The following PITPNM3 variants were observed in gnomAD, a reference collection of about 807,000 sequenced individuals.
The protein encoded by PITPNM3 is membrane-associated phosphatidylinositol transfer protein 3.
Under a neutral mutation model 102.0 loss-of-function variants are expected in PITPNM3, and 26 were observed. That is an observed-to-expected ratio of 0.25 (90% CI 0.19 to 0.35). The LOEUF (loss-of-function observed/expected upper bound fraction) is 0.35. Ranked by LOEUF, PITPNM3 falls within the 10% of genes least tolerant of loss-of-function variation. The pLI, the probability that PITPNM3 is intolerant of heterozygous loss-of-function variation, is 1.00. For missense variants in PITPNM3, 1,083 were observed against 1,346.1 expected, an observed-to-expected ratio of 0.80 and a Z score of 3.06; for synonymous variants, 578 against 558.6, an observed-to-expected ratio of 1.03 and a Z score of -0.49.
In PITPNM3 at chr17:6,544,985, G is replaced by T. The variant is rs73975610; in HGVS notation, c.23-6903C>A. On this transcript the variant is annotated intron_variant, in intron 1 of 19. Coordinates refer to ENST00000262483, the MANE Select transcript of PITPNM3 (RefSeq NM_031220.4). ...GTGCAGTGCTTCCTACAGCCTGGCC[G>T]AGGCTCCTGCGGACAGGCAGGTGAC... Among the ~76,000 whole-genome samples, 25 of 152,198 alleles carry T rather than the reference G, an allele frequency of 1.6e-4. No individual in the cohort carries two copies. In the South Asian group the frequency reaches 5.2e-3, roughly 32 times the overall value.
chr17:6,493,357 G>A (rs1906610039), intron 4 of PITPNM3, among the ~76,000 whole-genome samples: 1 of 152,234 alleles, frequency 6.6e-6, no homozygotes, highest in Admixed American at 6.5e-5. Context: ...CTGGAGAAGA[G>A]CAGCAGCTGC....
intron 2 of PITPNM3, among the ~76,000 whole-genome samples, chr17:6,528,561 G>A (rs1381540417): frequency 6.6e-6 from 1 of 151,846 alleles, no homozygotes; most frequent in Non-Finnish European, 1.5e-5. Flanking sequence ...ATGCATGTGT[G>A]AGTATGTGCA....
chr17:6,540,864 G>A (rs1909694860), intron 1 of PITPNM3, among the ~76,000 whole-genome samples: 1 of 152,150 alleles, frequency 6.6e-6, no homozygotes, highest in African/African-American at 2.4e-5. Flanking sequence ...TCACCATGTT[G>A]GCTAGGCTAG....
chr17:6,478,293 G>A lies in PITPNM3; in HGVS notation c.778-196C>T, dbSNP rs949909411. ...CGTTGGCCCAGGCCAGCCCAAGGAC[G>A]GGGAGTAGGCTACTCTCAGGGGTCA... is the stretch of plus-strand genomic sequence containing the variant. On this transcript the variant is annotated intron_variant, in intron 7 of 19. Transcript: ENST00000262483. The surrounding 1 kb of genome is among the most constrained non-coding windows in gnomAD (Gnocchi z 4.4). 6.6e-6 allele frequency among the ~76,000 whole-genome samples: 1 copy of A among 152,244 alleles called. No homozygotes were observed. Among genetic ancestry groups the A allele is most frequent in the African/African-American group, 2.4e-5 (1 of 41,472 alleles).
chr17:6,512,345 C>A (rs10438739), intron 3 of PITPNM3, among the ~76,000 whole-genome samples: 22,152 of 151,388 alleles, frequency 0.15, 2,037 homozygotes, highest in Middle Eastern at 0.24. Context: ...GGCATGTGCA[C>A]AAATATTAGT....
chr17:6,508,831 G>A (rs115761300), intron 3 of PITPNM3, among the ~76,000 whole-genome samples: 1,624 of 152,250 alleles, frequency 0.011, 30 homozygotes, highest in African/African-American at 0.037. Context: ...TGCCTGCCCA[G>A]TCCAAGCCAG....
Position 6,483,528 on chromosome 17 carries a change from C to T in PITPNM3, c.576G>A (p.Ser192=), listed in dbSNP as rs145362623. ...AGAAATGGACTCACTGAGAGACAAGCGAGAAAGCCTCAGAGCAGATGGCAG... is the reference window on the plus strand; with the variant it reads ...AGAAATGGACTCACTGAGAGACAAGTGAGAAAGCCTCAGAGCAGATGGCAG... ...PCPAICSEAF[S]LVSHLNPYSH... is the part of the protein sequence containing the mutation. The change falls in exon 6 of 20, where the codon TCG becomes TCA. Residue 192 remains serine, a synonymous_variant. Transcript: ENST00000262483. 2.0e-4 allele frequency: 324 copies of T among 1,613,342 alleles called. 1 individual carries two copies. Among genetic ancestry groups the T allele is most frequent in the South Asian group, 4.3e-4 (39 of 91,020 alleles).
In PITPNM3 at chr17:6,470,405, G is replaced by A. The variant is rs1298595749; in HGVS notation, c.1628C>T (p.Thr543Ile). 1 of 1,614,136 alleles carries A rather than the reference G, an allele frequency of 6.2e-7. No homozygotes were observed. The highest frequency in any genetic ancestry group is 8.5e-7 in the Non-Finnish European group (1 of 1,180,020). Residue 543 changes from threonine (T) to isoleucine (I), a missense_variant, in exon 13 of 20, where the codon ACA (threonine) becomes ATA (isoleucine). Physicochemically the swap from Thr to Ile is moderately conservative, Grantham distance 89. Transcript: ENST00000262483. This position sits in a 1 kb window ranked among gnomAD's most constrained non-coding sequence, Gnocchi z 4.8. ...SMAPVGASRITAKWWGSKRID... is the reference protein window; with the variant it reads ...SMAPVGASRIIAKWWGSKRID... The stretch of plus-strand genomic sequence containing the variant: ...CCTCTTGCTTCCCCACCACTTGGCT[G>A]TGACTGTGGGTCGGAGAGGAAGGTG...
At chr17:6,508,445 G>A (rs1355769975) in intron 3 of PITPNM3, among the ~76,000 whole-genome samples, 2 of 152,204 alleles carry the variant, frequency 1.3e-5, no homozygotes, top group Admixed American at 6.5e-5. Context: ...ACTGGGAAGG[G>A]CTCTTCCCAC....
chr17:6,544,110 T>C (rs1460066950), intron 1 of PITPNM3, among the ~76,000 whole-genome samples: 4 of 152,202 alleles, frequency 2.6e-5, no homozygotes, highest in African/African-American at 9.6e-5. Context: ...TGCACAGCAT[T>C]GGGCTGGCAC....
At chr17:6,482,076 C>G (rs1303865764) in intron 6 of PITPNM3, among the ~76,000 whole-genome samples, 1 of 146,488 alleles carries the variant, frequency 6.8e-6, no homozygotes, top group Non-Finnish European at 1.5e-5. Flanking sequence ...GTCTCTCTCT[C>G]TCTCTCTCTC....
chr17:6,495,363 C>A (rs1388912844), intron 4 of PITPNM3, among the ~76,000 whole-genome samples: 1 of 152,110 alleles, frequency 6.6e-6, no homozygotes. Flanking sequence ...AGCTTCCTGG[C>A]TTTTGTTTCC....
At chr17:6,497,492 G>C (rs1287390824) in intron 4 of PITPNM3, among the ~76,000 whole-genome samples, 1 of 152,214 alleles carries the variant, frequency 6.6e-6, no homozygotes. Flanking sequence ...GGCTAGGAGA[G>C]AGGCTCAGTA....
chr17:6,483,498 C>G lies in PITPNM3; in HGVS notation c.587+19G>C, dbSNP rs1905870072. 1 of 1,605,480 alleles carries G rather than the reference C, an allele frequency of 6.2e-7. No homozygotes were observed. The highest frequency in any genetic ancestry group is 8.5e-7 in the Non-Finnish European group (1 of 1,174,586). On this transcript the variant is annotated intron_variant, in intron 6 of 19. Transcript: ENST00000262483. ...CCCCACCAACCCCAACCAGTTCAAA[C>G]AAGCAGAAATGGACTCACTGAGAGA...
intron 1 of PITPNM3, among the ~76,000 whole-genome samples, chr17:6,541,590 C>G (rs568939090): frequency 6.6e-6 from 1 of 152,166 alleles, no homozygotes; most frequent in South Asian, 2.1e-4. Context: ...CCTCTATCAC[C>G]TGCAAACTTC....
chr17:6,544,399 G>A (rs1909895943), intron 1 of PITPNM3, among the ~76,000 whole-genome samples: 1 of 152,172 alleles, frequency 6.6e-6, no homozygotes, highest in South Asian at 2.1e-4. Flanking sequence ...TGGCAGGGTA[G>A]CATGTGCCTA....
intron 6 of PITPNM3, chr17:6,481,825 G>A (rs1483591299): frequency 7.3e-6 from 1 of 136,216 alleles, no homozygotes; most frequent in Non-Finnish European, 1.6e-5. Flanking sequence ...ATGGATGGAT[G>A]AATAGATAGA....
rs898733659 is a variant in PITPNM3 at position 6,476,919 on chromosome 17, A to G, written c.1085+110T>C. The G allele has an allele frequency of 5.1e-6, 7 of 1,360,010 alleles. No homozygotes were observed. In the Admixed American group the frequency reaches 5.9e-5, roughly 11 times the overall value. The allele number at this position is 1,360,010 out of a possible 1,614,324, so 84.2% of individuals were successfully genotyped here. On this transcript the variant is annotated intron_variant, in intron 9 of 19. Coordinates refer to ENST00000262483, the MANE Select transcript of PITPNM3 (RefSeq NM_031220.4). ...CGAGTGGCCTTGGTCCCAGCATTTC[A>G]GTGCTTATCTATGGGCCCCCATGGA... is the stretch of plus-strand genomic sequence containing the variant.
chr17:6,484,952 G>A (rs983962336), intron 4 of PITPNM3, among the ~76,000 whole-genome samples: 3 of 151,976 alleles, frequency 2.0e-5, no homozygotes, highest in Non-Finnish European at 4.4e-5. Context: ...CAGCACTCCC[G>A]CTTCTCCGGC....
Sources: allele counts gnomAD v4.1 joint callset (sites outside exome capture counted in the v4.1 genomes callset), GRCh38; gene constraint gnomAD v4.1.1; non-coding constraint Gnocchi (gnomAD v3.1); transcripts MANE v1.5; gene names NCBI Gene and HGNC (gene_info 2026-07-23, HGNC 2026-07-21).